Variants in TMEM132C observed in about 807,000 individuals in gnomAD.
TMEM132C encodes the protein transmembrane protein 132C.
TMEM132C carries 29 observed loss-of-function variants against 61.4 expected under a neutral mutation model. The observed-to-expected ratio is 0.47, with a 90% CI of 0.35 to 0.64. TMEM132C has a LOEUF of 0.64. TMEM132C is among the 30% of genes least tolerant of loss of function. TMEM132C has a pLI of 0.00. For missense variants in TMEM132C, 1,408 were observed against 1,476.9 expected, an observed-to-expected ratio of 0.95 and a Z score of 0.76; for synonymous variants, 656 against 633.1, an observed-to-expected ratio of 1.04 and a Z score of -0.54.
At chr12:128,533,360 T>C (rs1873400401) in intron 2 of TMEM132C, among the ~76,000 whole-genome samples, 1 of 152,178 alleles carries the variant, frequency 6.6e-6, no homozygotes, top group Non-Finnish European at 1.5e-5. Context: ...GCTTTCTTAT[T>C]GCTTGCTTCT....
intron 2 of TMEM132C, among the ~76,000 whole-genome samples, chr12:128,471,872 A>G (rs1870964573): frequency 1.3e-5 from 2 of 152,208 alleles, no homozygotes; most frequent in Non-Finnish European, 2.9e-5. Flanking sequence ...AAATAAAATA[A>G]AAGCTAACCA....
intron 2 of TMEM132C, among the ~76,000 whole-genome samples, chr12:128,420,956 T>G (rs1049546672): frequency 1.3e-5 from 2 of 152,208 alleles, no homozygotes; most frequent in African/African-American, 2.4e-5. Flanking sequence ...GGAATAACAG[T>G]GAAGTTGGCA....
At chr12:128,307,209 C>T (rs534270704) in intron 1 of TMEM132C, among the ~76,000 whole-genome samples, 27 of 152,168 alleles carry the variant, frequency 1.8e-4, no homozygotes, top group African/African-American at 5.3e-4. Context: ...ATAGACTTAC[C>T]CTCCCTCTTA....
rs1353049420 is a variant in TMEM132C, at chr12:128,630,594, G to C, written c.1305+14259G>C. On this transcript the variant is annotated intron_variant, in intron 4 of 8. Transcript: ENST00000435159. This position sits in a 1 kb window ranked among gnomAD's most constrained non-coding sequence, Gnocchi z 4.3. The stretch of plus-strand genomic sequence containing the variant: ...AGACACGATGCTATCTGTGCAGTCA[G>C]CCTCTCCATCGTCCATGTTCCCTCT... Among the ~76,000 whole-genome samples, 1 of 152,150 alleles carries C rather than the reference G, an allele frequency of 6.6e-6. No individual in the cohort carries two copies. Among genetic ancestry groups the C allele is most frequent in the Non-Finnish European group, 1.5e-5 (1 of 68,040 alleles).
chr12:128,644,352 C>T (rs568177559), intron 4 of TMEM132C, among the ~76,000 whole-genome samples: 1 of 152,192 alleles, frequency 6.6e-6, no homozygotes, highest in South Asian at 2.1e-4. Context: ...TGTCCTTTAA[C>T]TGGGGAAAGA....
chr12:128,445,460 G>A (rs999376712), intron 2 of TMEM132C, among the ~76,000 whole-genome samples: 6 of 152,172 alleles, frequency 3.9e-5, no homozygotes, highest in African/African-American at 1.4e-4. Context: ...CCAGCCCCGT[G>A]TGTGATGGGT....
chr12:128,396,053 T>C (rs978401506), intron 1 of TMEM132C, among the ~76,000 whole-genome samples: 12 of 152,172 alleles, frequency 7.9e-5, no homozygotes, highest in Non-Finnish European at 2.9e-5. Flanking sequence ...TACAGAAAGA[T>C]ACATGGATGC....
In TMEM132C at chr12:128,681,626, A is replaced by G. The variant is rs577943782; in HGVS notation, c.1449+12066A>G. Among the ~76,000 whole-genome samples the G allele has an allele frequency of 2.7e-5, 4 of 149,598 alleles. 1 individual carries two copies. The South Asian group carries it at 8.5e-4, about 32-fold the overall frequency. ...CTCTGACAAGTTGTCCTGTCCTACC[A>G]TGGCTGCAGACAGCTACCAGACTGT... is the stretch of plus-strand genomic sequence containing the variant. On this transcript the variant is annotated intron_variant, in intron 5 of 8. Transcript: ENST00000435159.
chr12:128,577,746 C>T (rs1368878356), intron 3 of TMEM132C, among the ~76,000 whole-genome samples: 4 of 152,196 alleles, frequency 2.6e-5, no homozygotes, highest in African/African-American at 4.8e-5. Context: ...GAGCAGTGGC[C>T]TTTAACTCCC....
At chr12:128,280,423 C>T (rs986494577) in intron 1 of TMEM132C, among the ~76,000 whole-genome samples, 4 of 152,170 alleles carry the variant, frequency 2.6e-5, no homozygotes, top group African/African-American at 9.7e-5. Context: ...ATTCTCAAAA[C>T]TGACTACATT....
At chr12:128,343,722 A>AG (rs1479481507) in intron 1 of TMEM132C, among the ~76,000 whole-genome samples, 1 of 152,140 alleles carries the variant, frequency 6.6e-6, no homozygotes, top group Non-Finnish European at 1.5e-5. Context: ...TTTTCCACCC[A>AG]GAAAAAAAAC....
chr12:128,583,379 G>T (rs1053910221), intron 3 of TMEM132C, among the ~76,000 whole-genome samples: 2 of 142,594 alleles, frequency 1.4e-5, no homozygotes, highest in African/African-American at 2.5e-5. Flanking sequence ...TCTCCCTTAT[G>T]CAGAATATTG....
At chr12:128,599,940 G>C (rs1876109160) in intron 3 of TMEM132C, among the ~76,000 whole-genome samples, 2 of 152,090 alleles carry the variant, frequency 1.3e-5, no homozygotes, top group Non-Finnish European at 2.9e-5. Context: ...CTCGTGACAG[G>C]GAGTGAGTTC....
chr12:128,550,650 C>T (rs1874142192), intron 3 of TMEM132C, among the ~76,000 whole-genome samples: 1 of 152,140 alleles, frequency 6.6e-6, no homozygotes, highest in Non-Finnish European at 1.5e-5. Flanking sequence ...ATTAGAGCCC[C>T]CTCTTAGGAC....
chr12:128,505,304 A>G (rs1872320310), intron 2 of TMEM132C, among the ~76,000 whole-genome samples: 1 of 152,134 alleles, frequency 6.6e-6, no homozygotes, highest in Non-Finnish European at 1.5e-5. Flanking sequence ...TGTTTCCAGC[A>G]TGCTTCTCTT....
At chr12:128,331,167 C>G (rs1448923059) in intron 1 of TMEM132C, among the ~76,000 whole-genome samples, 2 of 151,626 alleles carry the variant, frequency 1.3e-5, no homozygotes, top group Admixed American at 1.3e-4. Context: ...CTCCTTCCAA[C>G]AGTCCTCCCT....
chr12:128,584,499 C>G (rs1221082719), intron 3 of TMEM132C, among the ~76,000 whole-genome samples: 1 of 152,232 alleles, frequency 6.6e-6, no homozygotes, highest in Non-Finnish European at 1.5e-5. Flanking sequence ...AACACTGACA[C>G]TGTTAGGGTC....
At chr12:128,546,341 G>A (rs1305204536) in intron 3 of TMEM132C, among the ~76,000 whole-genome samples, 1 of 152,196 alleles carries the variant, frequency 6.6e-6, no homozygotes. Context: ...TTATGCAAAT[G>A]AAAGCGAATG....
intron 2 of TMEM132C, among the ~76,000 whole-genome samples, chr12:128,428,833 A>C (rs568136848): frequency 6.6e-6 from 1 of 152,328 alleles, no homozygotes; most frequent in East Asian, 1.9e-4. Context: ...GTTTCTACAT[A>C]GAGATGATAA....
Sources: allele counts gnomAD v4.1 joint callset (sites outside exome capture counted in the v4.1 genomes callset), GRCh38; gene constraint gnomAD v4.1.1; non-coding constraint Gnocchi (gnomAD v3.1); transcripts MANE v1.5; gene names NCBI Gene and HGNC (gene_info 2026-07-23, HGNC 2026-07-21).